The following CNBD1 variants were observed in gnomAD, a reference collection of about 807,000 sequenced individuals.
CNBD1 encodes the protein cyclic nucleotide binding domain containing 1.
In CNBD1, 71 loss-of-function variants were observed where a neutral mutation model predicts 54.4. The ratio of observed to expected loss-of-function variants is 1.30; its 90% CI spans 1.08 to 1.59. CNBD1 has a LOEUF of 1.59. Ranked by LOEUF, CNBD1 falls within the 40% of genes most tolerant of loss-of-function variation. The pLI is 0.00. For synonymous variants in CNBD1, 182 were observed against 170.7 expected (o/e 1.07, Z -0.51); for missense variants, 659 against 518.0 (o/e 1.27, Z -2.64).
chr8:86,885,971 T>G (rs1808675094), intron 1 of CNBD1, among the ~76,000 whole-genome samples: 1 of 152,182 alleles, frequency 6.6e-6, no homozygotes, highest in African/African-American at 2.4e-5. Flanking sequence ...ATCTTCTCTG[T>G]TCTATAAGTC....
intron 5 of CNBD1, among the ~76,000 whole-genome samples, chr8:87,232,311 T>C (rs1481032434): frequency 6.6e-6 from 1 of 152,164 alleles, no homozygotes; most frequent in Admixed American, 6.5e-5. Context: ...TACTGGGACA[T>C]ACGTTAGATG....
intron 3 of CNBD1, among the ~76,000 whole-genome samples, chr8:86,910,473 GT>G (rs1163648299): frequency 2.6e-5 from 4 of 152,148 alleles, no homozygotes; most frequent in Non-Finnish European, 5.9e-5. Context: ...CATAGAACCT[GT>G]TAGCAAAAGA....
chr8:87,275,091 C>T (rs182293181), intron 6 of CNBD1, among the ~76,000 whole-genome samples: 17 of 135,502 alleles, frequency 1.3e-4, no homozygotes, highest in East Asian at 2.0e-4. Flanking sequence ...TGTAGATATG[C>T]GGCGTTATTT....
At chr8:86,937,045 T>C (rs1449435284) in intron 3 of CNBD1, among the ~76,000 whole-genome samples, 4 of 152,178 alleles carry the variant, frequency 2.6e-5, no homozygotes, top group Admixed American at 2.0e-4. Flanking sequence ...AATAAAGATA[T>C]ACCTGAGACT....
At chr8:87,106,958 A>G (rs1350018929) in intron 4 of CNBD1, among the ~76,000 whole-genome samples, 1 of 151,970 alleles carries the variant, frequency 6.6e-6, no homozygotes, top group Non-Finnish European at 1.5e-5. Flanking sequence ...CCTCCCGAGT[A>G]GCTGGGATTA....
intron 9 of CNBD1, among the ~76,000 whole-genome samples, 158 bp from the exon 10 acceptor site, chr8:87,353,478 T>C (rs74395730): frequency 0.019 from 2,840 of 152,296 alleles, 90 homozygotes; most frequent in African/African-American, 0.062. Flanking sequence ...ATTGAAATGC[T>C]TATGTAAGTA....
intron 4 of CNBD1, among the ~76,000 whole-genome samples, chr8:87,149,155 ATTTC>A (rs1391499764): frequency 3.3e-5 from 5 of 152,146 alleles, no homozygotes; most frequent in South Asian, 2.1e-4. Context: ...AGGATATGTT[ATTTC>A]TTTGTTATTA....
In CNBD1 at chr8:87,311,970, G is replaced by A. The variant is rs1586003356; in HGVS notation, c.1042+25299G>A. 2.0e-5 allele frequency among the ~76,000 whole-genome samples: 3 copies of A among 151,988 alleles called. 1 individual carries two copies. The Middle Eastern group carries it at 0.01, about 517-fold the overall frequency. ...AGTGGGGAGGGAGAGAGGGGAGCAA[G>A]GATTGAAAAACTAACTATTGGATAG... On this transcript the variant is annotated intron_variant, in intron 8 of 10. Coordinates refer to ENST00000518476, the MANE Select transcript of CNBD1 (RefSeq NM_173538.3).
intron 10 of CNBD1, among the ~76,000 whole-genome samples, chr8:87,382,039 T>C (rs532013050): frequency 1.3e-5 from 2 of 151,936 alleles, no homozygotes; most frequent in East Asian, 1.9e-4. Context: ...AAAAAATAAA[T>C]AGAAGAGTGA....
At chr8:86,866,749 C>T (rs538750109) in intron 1 of CNBD1, among the ~76,000 whole-genome samples, 166 bp downstream of exon 1, 90 of 152,186 alleles carry the variant, frequency 5.9e-4, no homozygotes, top group Non-Finnish European at 6.5e-4. Flanking sequence ...CCTGCTTGGT[C>T]TACTTGAAGT....
At chr8:87,077,334 G>A (rs895481110) in intron 4 of CNBD1, among the ~76,000 whole-genome samples, 1 of 151,794 alleles carries the variant, frequency 6.6e-6, no homozygotes, top group South Asian at 2.1e-4. Context: ...CCCGGTTTAT[G>A]AATGGCTATC....
At chr8:86,947,422 C>A (rs965938152) in intron 4 of CNBD1, among the ~76,000 whole-genome samples, 1 of 152,048 alleles carries the variant, frequency 6.6e-6, no homozygotes, top group African/African-American at 2.4e-5. Context: ...AAATTGGGCT[C>A]ATTGTACAGC....
At chr8:87,305,680 G>T (rs1332512234) in intron 8 of CNBD1, among the ~76,000 whole-genome samples, 1 of 152,092 alleles carries the variant, frequency 6.6e-6, no homozygotes, top group Non-Finnish European at 1.5e-5. Flanking sequence ...AACAAATGGT[G>T]TTGGGATAAT....
At chr8:87,214,861 T>C (rs1303933166) in intron 5 of CNBD1, among the ~76,000 whole-genome samples, 3 of 152,154 alleles carry the variant, frequency 2.0e-5, no homozygotes, top group African/African-American at 4.8e-5. Flanking sequence ...GCCCCCATGA[T>C]TCAGTTATCT....
At chr8:87,341,059 C>T (rs1185129582) in intron 8 of CNBD1, among the ~76,000 whole-genome samples, 2 of 152,088 alleles carry the variant, frequency 1.3e-5, no homozygotes, top group Non-Finnish European at 1.5e-5. Flanking sequence ...ATCACTTAGC[C>T]TGGCAAGAGA....
chr8:86,876,368 A>G (rs1429219953), intron 1 of CNBD1, among the ~76,000 whole-genome samples: 1 of 151,906 alleles, frequency 6.6e-6, no homozygotes, highest in Admixed American at 6.6e-5. Flanking sequence ...TTGACCTTAC[A>G]TCTTTGTGTA....
At chr8:87,399,632 T>C (rs1807511637) in intron 2 of CNBD1, among the ~76,000 whole-genome samples, 1 of 151,920 alleles carries the variant, frequency 6.6e-6, no homozygotes, top group African/African-American at 2.4e-5. Context: ...ATTTAACCCT[T>C]GGTAAAGCCT....
chr8:87,287,463 G>A (rs1808720364), intron 8 of CNBD1, among the ~76,000 whole-genome samples: 1 of 152,142 alleles, frequency 6.6e-6, no homozygotes, highest in Admixed American at 6.6e-5. Context: ...AGATTATAAT[G>A]GAAGAGGAAG....
At chr8:87,018,574 G>T (rs1343193372) in intron 4 of CNBD1, among the ~76,000 whole-genome samples, 3 of 151,836 alleles carry the variant, frequency 2.0e-5, no homozygotes. Flanking sequence ...CCTTTTCCTG[G>T]TCTAACATAC....
Sources: gnomAD v4.1 joint callset for allele counts (sites outside exome capture counted in the v4.1 genomes callset) on GRCh38, gnomAD v4.1.1 for gene constraint, MANE v1.5 for transcripts, NCBI Gene and HGNC (gene_info 2026-07-23, HGNC 2026-07-21) for gene names.